The following CFAP61 variants were observed in gnomAD, a reference collection of about 807,000 sequenced individuals.
CFAP61 encodes cilia and flagella associated protein 61.
In CFAP61, 107 loss-of-function variants were observed where a neutral mutation model predicts 135.6. That is an observed-to-expected ratio of 0.79 (90% confidence interval 0.67 to 0.93). The LOEUF (loss-of-function observed/expected upper bound fraction) is 0.93, where lower values mean the gene tolerates loss of function less well. Ranked by LOEUF, CFAP61 falls within the 40% of genes least tolerant of loss-of-function variation. The pLI, the probability that CFAP61 is intolerant of heterozygous loss-of-function variation, is 0.00. For synonymous variants in CFAP61, 575 were observed against 578.5 expected (o/e 0.99, Z 0.09); for missense variants, 1,507 against 1,556.2 (o/e 0.97, Z 0.53).
chr20:20,261,828 C>G (rs1205291969), intron 20 of CFAP61, among the ~76,000 whole-genome samples: 1 of 151,742 alleles, frequency 6.6e-6, no homozygotes, highest in Admixed American at 6.6e-5. Flanking sequence ...CAGTTTGCCA[C>G]AGTATCCTTG....
At chr20:20,198,407 T>C (rs1345702713) in intron 16 of CFAP61, among the ~76,000 whole-genome samples, 1 of 152,222 alleles carries the variant, frequency 6.6e-6, no homozygotes, top group Non-Finnish European at 1.5e-5. Flanking sequence ...TAAATGTTTA[T>C]ACATTTACCT....
chr20:20,298,575 A>T (rs761462419), intron 25 of CFAP61, among the ~76,000 whole-genome samples, 189 bp downstream of exon 25: 1 of 152,142 alleles, frequency 6.6e-6, no homozygotes, highest in African/African-American at 2.4e-5. Context: ...GAGTCACAGG[A>T]TGTGTCCACA....
intron 13 of CFAP61, among the ~76,000 whole-genome samples, chr20:20,183,067 G>A (rs1349934049): frequency 6.6e-6 from 1 of 152,132 alleles, no homozygotes; most frequent in Non-Finnish European, 1.5e-5. Context: ...GGAAGGAATA[G>A]TATATATAGA....
At chr20:20,237,849 C>G (rs1338877486) in intron 18 of CFAP61, among the ~76,000 whole-genome samples, 1 of 152,058 alleles carries the variant, frequency 6.6e-6, no homozygotes, top group Non-Finnish European at 1.5e-5. Context: ...CTGCACCTTC[C>G]CCGTTTTCTG....
At chr20:20,168,178 C>T (rs939133826) in intron 12 of CFAP61, among the ~76,000 whole-genome samples, 9 of 152,042 alleles carry the variant, frequency 5.9e-5, no homozygotes, top group African/African-American at 1.9e-4. Context: ...CCCAAGGGAT[C>T]TTCCTGCCTC....
chr20:20,094,949 C>G (rs1242508140), intron 7 of CFAP61, among the ~76,000 whole-genome samples: 2 of 152,160 alleles, frequency 1.3e-5, no homozygotes, highest in South Asian at 2.1e-4. Context: ...TGCTCTGGCT[C>G]TCAAGGGCTG....
intron 22 of CFAP61, among the ~76,000 whole-genome samples, chr20:20,282,820 TC>T (rs1322891848): frequency 1.3e-5 from 2 of 151,786 alleles, no homozygotes; most frequent in Admixed American, 6.6e-5. Flanking sequence ...ATGCCTGAAA[TC>T]CCAGTTACTC....
chr20:20,154,646 CA>C (rs1013180526), intron 9 of CFAP61, among the ~76,000 whole-genome samples: 1 of 151,650 alleles, frequency 6.6e-6, no homozygotes, highest in Non-Finnish European at 1.5e-5. Flanking sequence ...AACACACAAA[CA>C]AAAAAATCCC....
intron 13 of CFAP61, among the ~76,000 whole-genome samples, chr20:20,181,152 TAAAGTA>T (rs2055037094): frequency 6.9e-6 from 1 of 145,762 alleles, no homozygotes; most frequent in South Asian, 2.2e-4. Context: ...CCCCTGAATT[TAAAGTA>T]AAAGTTATAT....
intron 21 of CFAP61, among the ~76,000 whole-genome samples, chr20:20,271,708 A>G (rs545299605): frequency 1.3e-5 from 2 of 152,314 alleles, no homozygotes; most frequent in African/African-American, 2.4e-5. Context: ...GAAAACTGCC[A>G]TGGTTATATT....
At chr20:20,154,679 A>T (rs1024011089) in intron 9 of CFAP61, among the ~76,000 whole-genome samples, 22 of 151,338 alleles carry the variant, frequency 1.5e-4, no homozygotes, top group Non-Finnish European at 2.4e-4. Flanking sequence ...AACAAACCTT[A>T]AAAAAACAAA....
intron 6 of CFAP61, among the ~76,000 whole-genome samples, chr20:20,079,695 G>A (rs2046302611): frequency 1.3e-5 from 2 of 152,204 alleles, no homozygotes; most frequent in South Asian, 2.1e-4. Context: ...TTTGAGAGAA[G>A]AAAATTCCTC....
At chr20:20,136,728 G>A (rs1328013912) in intron 8 of CFAP61, among the ~76,000 whole-genome samples, 1 of 152,204 alleles carries the variant, frequency 6.6e-6, no homozygotes, top group African/African-American at 2.4e-5. Flanking sequence ...CTGTCTCTCT[G>A]GGATTGGTCC....
At chr20:20,156,080 G>C (rs1033742363) in intron 9 of CFAP61, among the ~76,000 whole-genome samples, 2 of 152,110 alleles carry the variant, frequency 1.3e-5, no homozygotes, top group Admixed American at 6.5e-5. Context: ...CTGCTTGGAT[G>C]ATGGGTGCAC....
chr20:20,071,093 C>T (rs929213776), intron 3 of CFAP61, 89 bp downstream of exon 3: 83 of 1,345,558 alleles, frequency 6.2e-5, no homozygotes, highest in Non-Finnish European at 7.9e-5. Flanking sequence ...AAGTTTTGTA[C>T]TGAGCAGTAT....
chr20:20,309,277 A>C (rs1569278695), intron 25 of CFAP61, among the ~76,000 whole-genome samples: 1 of 152,240 alleles, frequency 6.6e-6, no homozygotes, highest in Non-Finnish European at 1.5e-5. Flanking sequence ...AAAATGCAGA[A>C]AAATATTTCA....
At chr20:20,291,421 G>A (rs889755370) in intron 24 of CFAP61, among the ~76,000 whole-genome samples, 10 of 152,156 alleles carry the variant, frequency 6.6e-5, no homozygotes, top group Admixed American at 5.9e-4. Flanking sequence ...ACAGCCTATC[G>A]TCTTTTCAGG....
At chr20:20,333,438 T>C (rs2122319347) in intron 25 of CFAP61, among the ~76,000 whole-genome samples, 1 of 152,168 alleles carries the variant, frequency 6.6e-6, no homozygotes, top group African/African-American at 2.4e-5. Context: ...CATTAGTAAA[T>C]GGGAAACTGA....
intron 12 of CFAP61, among the ~76,000 whole-genome samples, 183 bp downstream of exon 12, chr20:20,166,619 T>C (rs957945266): frequency 2.0e-5 from 3 of 152,258 alleles, no homozygotes; most frequent in African/African-American, 7.2e-5. Context: ...TTTTAAGTCA[T>C]GCTATTTTAG....
Sources: gnomAD v4.1 joint callset for allele counts (sites outside exome capture counted in the v4.1 genomes callset) on GRCh38, gnomAD v4.1.1 for gene constraint, MANE v1.5 for transcripts, NCBI Gene and HGNC (gene_info 2026-07-23, HGNC 2026-07-21) for gene names.